The following OTOG variants were observed in gnomAD, a reference collection of about 807,000 sequenced individuals.
The protein encoded by OTOG is otogelin.
Under a neutral mutation model 313.8 loss-of-function variants are expected in OTOG, and 296 were observed. The observed-to-expected ratio is 0.94, with a 90% confidence interval of 0.86 to 1.04. OTOG has a LOEUF of 1.04. Ranked by LOEUF, OTOG falls within the 50% of genes least tolerant of loss-of-function variation. The probability of loss-of-function intolerance (pLI) is 0.00; values close to 1 mark genes in which losing one functional copy is unlikely to be tolerated. For missense variants in OTOG, 3,948 were observed against 3,840.1 expected, an observed-to-expected ratio of 1.03 and a Z score of -0.74; for synonymous variants, 1,533 against 1,554.9, an observed-to-expected ratio of 0.99 and a Z score of 0.33.
intron 13 of OTOG, 86 bp downstream of exon 13, chr11:17,560,903 C>A: frequency 7.8e-7 from 1 of 1,279,062 alleles, no homozygotes; most frequent in Non-Finnish European, 1.1e-6. Context: ...GCACTAATGG[C>A]TGGCGTCGGG....
intron 12 of OTOG, 126 bp from the exon 13 acceptor site, chr11:17,560,583 T>A: frequency 1.4e-6 from 1 of 694,642 alleles, no homozygotes; most frequent in Non-Finnish European, 2.5e-6. Context: ...GAGGAGAAAG[T>A]TTGGAAGTCG....
chr11:17,611,128 C>T lies in OTOG; in HGVS notation c.5828C>T (p.Thr1943Met), dbSNP rs75677194. The T allele has an allele frequency of 1.2e-3, 1,870 of 1,550,606 alleles. 17 individuals are homozygous for T. In the African/African-American group the frequency reaches 0.022, roughly 18 times the overall value. ...ELTPATSHPL[T>M]PLVAEPEGAQ... ...ACGCCTGCTACGAGCCACCCTCTCA[C>T]GCCCTTGGTGGCTGAGCCCGAGGGA... Residue 1943 changes from threonine (T) to methionine (M), a missense_variant, in exon 36 of 56, where the codon ACG becomes ATG. By Grantham distance (81) the Thr-to-Met change is moderately conservative. Transcript: ENST00000399397.
chr11:17,587,563 C>G (rs1465913471), intron 24 of OTOG, among the ~76,000 whole-genome samples: 1 of 152,174 alleles, frequency 6.6e-6, no homozygotes, highest in East Asian at 1.9e-4. Flanking sequence ...GTCCCTGTCC[C>G]ATGCTGGGAC....
intron 25 of OTOG, 135 bp downstream of exon 25, chr11:17,591,723 G>A: frequency 8.5e-7 from 1 of 1,182,370 alleles, no homozygotes; most frequent in Non-Finnish European, 1.2e-6. Context: ...CTAGAGACTG[G>A]AAGAAGTGCT....
chr11:17,603,147 G>T (rs963483852), intron 32 of OTOG, among the ~76,000 whole-genome samples: 5 of 152,172 alleles, frequency 3.3e-5, no homozygotes, highest in African/African-American at 4.8e-5. Flanking sequence ...CTAGCTATAG[G>T]TGATGTTCAC....
Position 17,596,114 on chromosome 11 carries a change from G to A in OTOG, c.3485G>A (p.Ser1162Asn). 6.4e-7 allele frequency: 1 copy of A among 1,550,708 alleles called. No individual in the cohort carries two copies. The highest frequency in any genetic ancestry group is 8.7e-7 in the Non-Finnish European group (1 of 1,147,006). ...GAACCATTTGCCAAGAAGGAGTGCAGCATCCTGCTCAGTGAGGTGTTTGAG... is the reference window on the plus strand; with the variant it reads ...GAACCATTTGCCAAGAAGGAGTGCAACATCCTGCTCAGTGAGGTGTTTGAG... ...LREPFAKKECSILLSEVFEIC... is the reference protein window; with the variant it reads ...LREPFAKKECNILLSEVFEIC... Residue 1162 changes from serine to asparagine, a missense_variant, in exon 29 of 56, where the codon AGC becomes AAC. Physicochemically the swap from Ser to Asn is conservative, Grantham distance 46 (BLOSUM62 1). Coordinates refer to ENST00000399397, the MANE Select transcript of OTOG (RefSeq NM_001292063.2).
At position 17,624,288 on chromosome 11, in the gene OTOG, C is replaced by T. The variant is rs190482348; in HGVS notation, c.6529-4845C>T. Among the ~76,000 whole-genome samples the T allele has an allele frequency of 2.4e-3, 369 of 152,224 alleles. 1 individual carries two copies. The highest frequency in any genetic ancestry group is 8.5e-3 in the African/African-American group (353 of 41,534). Reference sequence around the variant, plus strand: ...TTCCATGATTTTTATAGTTTTGGCTCTTACATTTAAGTCTTTAATCTATCT... The same window carrying T: ...TTCCATGATTTTTATAGTTTTGGCTTTTACATTTAAGTCTTTAATCTATCT... On this transcript the variant is annotated intron_variant, in intron 39 of 55. Coordinates refer to ENST00000399397, the MANE Select transcript of OTOG (RefSeq NM_001292063.2).
intron 17 of OTOG, among the ~76,000 whole-genome samples, chr11:17,571,178 A>G (rs1299115648): frequency 6.6e-6 from 1 of 152,228 alleles, no homozygotes; most frequent in East Asian, 1.9e-4. Context: ...TTCAATGCAT[A>G]TATATTTAAA....
chr11:17,635,756 C>T (rs1363764963), intron 47 of OTOG, 45 bp downstream of exon 47: 1 of 1,480,578 alleles, frequency 6.8e-7, no homozygotes, highest in South Asian at 1.2e-5. Flanking sequence ...AGGAAGGGGC[C>T]CTTCACAGAG....
Position 17,635,619 on chromosome 11 carries a change from A to T in OTOG, c.7703A>T (p.Asp2568Val), listed in dbSNP as rs915179725. Reference protein sequence around the residue: ...CCTSYFCACGDCPDSIPECQE... With the variant: ...CCTSYFCACGVCPDSIPECQE... ...CCCTCTTCCCCCTCAGCCTGTGGTG[A>T]CTGTCCAGACTCCATCCCCGAATGT... The change falls in exon 47 of 56, where the codon GAC becomes GTC. Residue 2568 changes from aspartate (D) to valine (V), a missense_variant. Asp to Val is a radical substitution (Grantham distance 152, BLOSUM62 -3). Coordinates refer to ENST00000399397, the MANE Select transcript of OTOG (RefSeq NM_001292063.2). The T allele has an allele frequency of 2.6e-6, 4 of 1,550,280 alleles. No individual in the cohort carries two copies. The highest frequency in any genetic ancestry group is 3.5e-6 in the Non-Finnish European group (4 of 1,146,870).
At chr11:17,562,858 G>A (rs183632798) in intron 15 of OTOG, among the ~76,000 whole-genome samples, 4 of 152,252 alleles carry the variant, frequency 2.6e-5, no homozygotes, top group Admixed American at 1.3e-4. Flanking sequence ...TTGTGCCAGA[G>A]GCTGAGCTGG....
chr11:17,613,302 C>T (rs1470470548), intron 38 of OTOG, among the ~76,000 whole-genome samples: 1 of 142,960 alleles, frequency 7.0e-6, no homozygotes, highest in Non-Finnish European at 1.5e-5. Flanking sequence ...TTTCTTCTCT[C>T]TTCTTTCCCT....
At chr11:17,628,176 C>G (rs1854030541) in intron 39 of OTOG, among the ~76,000 whole-genome samples, 2 of 151,810 alleles carry the variant, frequency 1.3e-5, no homozygotes, top group Non-Finnish European at 2.9e-5. Context: ...AGTTTTTCTT[C>G]TTTTTTGATA....
intron 52 of OTOG, 52 bp from the exon 53 acceptor site, chr11:17,642,075 G>T (rs968237450): frequency 1.3e-6 from 2 of 1,516,874 alleles, no homozygotes; most frequent in Admixed American, 4.0e-5. Context: ...ATGGGTTTGC[G>T]CAGGCTGTCC....
rs202142055 is a variant in OTOG at position 17,574,324 on chromosome 11, G to A, written c.2294-396G>A. The stretch of plus-strand genomic sequence containing the variant: ...GGAGTGAGGGGGTAGGAGTGTGTGT[G>A]TGTGTGTGTCCACACACTTGGGCTC... On this transcript the variant is annotated intron_variant, in intron 19 of 55. Transcript: ENST00000399397. Among the ~76,000 whole-genome samples the A allele has an allele frequency of 2.1e-3, 315 of 152,090 alleles. 11 individuals are homozygous for A. In the South Asian group the frequency reaches 0.055, roughly 27 times the overall value.
Position 17,547,483 on chromosome 11 carries a change from C to A in OTOG, c.94+17C>A. The A allele has an allele frequency of 1.5e-6, 2 of 1,344,498 alleles. No individual in the cohort carries two copies. Among genetic ancestry groups the A allele is most frequent in the Admixed American group, 3.5e-5 (1 of 28,820 alleles). The allele number at this position is 1,344,498 out of a possible 1,614,324, so 83.3% of individuals were successfully genotyped here. ...AGCGCCTCGGTGAGAGGGTTGTGGA[C>A]TCAGGGAGGTCGGGGGCTCGAGGAA... is the stretch of plus-strand genomic sequence containing the variant. On this transcript the variant is annotated intron_variant, in intron 1 of 55. Coordinates refer to ENST00000399397, the MANE Select transcript of OTOG (RefSeq NM_001292063.2).
In OTOG at chr11:17,641,000, A is replaced by G. The variant is rs1294276508; in HGVS notation, c.8099A>G (p.His2700Arg). 4 of 1,547,894 alleles carry G rather than the reference A, an allele frequency of 2.6e-6. No individual in the cohort carries two copies. Residue 2700 changes from histidine (H) to arginine (R), a missense_variant, in exon 51 of 56, where the codon CAC (histidine) becomes CGC (arginine). Coordinates refer to ENST00000399397, the MANE Select transcript of OTOG (RefSeq NM_001292063.2). ...GAGCTCTCAGCAGATGGCGTGTGCC[A>G]CACCTCCCGCTGCACCACCGTGCTC... ...VVELSADGVC[H>R]TSRCTTVLDP... is the part of the protein sequence containing the mutation.
chr11:17,578,409 G>T lies in OTOG; in HGVS notation c.2642G>T (p.Cys881Phe). The T allele has an allele frequency of 6.5e-7, 1 of 1,538,918 alleles. No homozygotes were observed. Among genetic ancestry groups the T allele is most frequent in the Non-Finnish European group, 8.7e-7 (1 of 1,145,858 alleles). The change falls in exon 23 of 56, where the codon TGC becomes TTC. Residue 881 changes from cysteine to phenylalanine, a missense_variant. Transcript: ENST00000399397. ...CCAGCAGGCCAGGTCTTCGTGAACTGCAGCGACCTGCACACGGACCTGGAG... is the reference window on the plus strand; with the variant it reads ...CCAGCAGGCCAGGTCTTCGTGAACTTCAGCGACCTGCACACGGACCTGGAG... ...ACPAGQVFVN[C>F]SDLHTDLELS...
intron 18 of OTOG, 101 bp from the exon 19 acceptor site, chr11:17,572,973 GCACA>G: frequency 1.9e-6 from 2 of 1,070,694 alleles, no homozygotes; most frequent in Non-Finnish European, 2.6e-6. Flanking sequence ...TACAGCGTGT[GCACA>G]CACACACACC....
Sources: gnomAD v4.1 joint callset for allele counts (sites outside exome capture counted in the v4.1 genomes callset) on GRCh38, gnomAD v4.1.1 for gene constraint, MANE v1.5 for transcripts, NCBI Gene and HGNC (gene_info 2026-07-23, HGNC 2026-07-21) for gene names.